RUNX1T1: variants seen among roughly 807,000 people sequenced by gnomAD.
RUNX1T1 encodes RUNX1 partner transcriptional co-repressor 1.
In RUNX1T1, 4 loss-of-function variants were observed where a neutral mutation model predicts 62.8. The observed-to-expected ratio is 0.06, with a 90% CI of 0.03 to 0.15. The LOEUF (loss-of-function observed/expected upper bound fraction) is 0.15. RUNX1T1 is among the 10% of genes least tolerant of loss of function. RUNX1T1 has a pLI of 1.00. For missense variants in RUNX1T1, 508 were observed against 754.3 expected, an observed-to-expected ratio of 0.67 and a Z score of 3.82; for synonymous variants, 291 against 286.0, an observed-to-expected ratio of 1.02 and a Z score of -0.18.
At chr8:92,020,825 CTTTTTT>C (rs372324370) in intron 1 of RUNX1T1, among the ~76,000 whole-genome samples, 1 of 130,666 alleles carries the variant, frequency 7.7e-6, no homozygotes, top group Non-Finnish European at 1.7e-5. Flanking sequence ...TTCCCATTTC[CTTTTTT>C]TTTTTTTTTT....
chr8:92,088,683 G>C (rs1039378477), intron 1 of RUNX1T1, among the ~76,000 whole-genome samples: 1 of 152,120 alleles, frequency 6.6e-6, no homozygotes, highest in Non-Finnish European at 1.5e-5. Context: ...AGTCCTCCCA[G>C]ATACTCTTTA....
chr8:91,970,332 A>AGCATACACATATGCACATGCAC (rs1381249445), intron 10 of RUNX1T1, among the ~76,000 whole-genome samples: 1 of 152,178 alleles, frequency 6.6e-6, no homozygotes, highest in Non-Finnish European at 1.5e-5. Context: ...TTGGAAAGCA[A>AGCATACACATATGCACATGCAC]GCATACACAT....
At chr8:91,975,957 G>A (rs1813832724) in exon 9 of RUNX1T1, 1 of 1,612,930 alleles carries the variant, frequency 6.2e-7, no homozygotes, top group Non-Finnish European at 8.5e-7. Context: ...GCCTGTGAAG[G>A]AATTCCCGAT....
chr8:92,053,406 T>C (rs947952253), intron 1 of RUNX1T1, among the ~76,000 whole-genome samples: 5 of 152,118 alleles, frequency 3.3e-5, no homozygotes, highest in Non-Finnish European at 7.4e-5. Flanking sequence ...CCAAACTACA[T>C]GAAAATGCCC....
At chr8:92,032,464 C>T (rs185608422) in intron 1 of RUNX1T1, among the ~76,000 whole-genome samples, 17 of 152,118 alleles carry the variant, frequency 1.1e-4, no homozygotes, top group Admixed American at 2.0e-4. Flanking sequence ...AGACAATAAC[C>T]ATGATGAGCC....
intron 9 of RUNX1T1, among the ~76,000 whole-genome samples, chr8:91,973,586 T>G (rs1046345080): frequency 2.0e-5 from 3 of 152,196 alleles, no homozygotes; most frequent in Middle Eastern, 3.4e-3. Context: ...AATAATTTCA[T>G]TGCAAAGACA....
Position 91,991,802 on chromosome 8 carries a change from G to A in RUNX1T1, c.747C>T (p.Tyr249=), listed in dbSNP as rs143607818. ...GGTAGGATAAGCCGTTATTTGGACT[G>A]TACCGCTGGCCTGGGCTAATAGTGC... is the stretch of plus-strand genomic sequence containing the variant. Residue 249 remains tyrosine, a synonymous_variant, in exon 6 of 11, where the codon TAC becomes TAT. Transcript: ENST00000396218. The A allele has an allele frequency of 2.3e-3, 3,714 of 1,614,112 alleles. 11 individuals are homozygous for A. The highest frequency in any genetic ancestry group is 4.9e-3 in the Middle Eastern group (30 of 6,062).
intron 8 of RUNX1T1, among the ~76,000 whole-genome samples, chr8:91,980,235 G>C (rs1297140361): frequency 6.6e-6 from 1 of 152,174 alleles, no homozygotes; most frequent in East Asian, 1.9e-4. Flanking sequence ...ATATAGTTAA[G>C]TACAGTAGGC....
At chr8:92,000,286 G>C (rs982268032) in intron 5 of RUNX1T1, among the ~76,000 whole-genome samples, 1 of 151,882 alleles carries the variant, frequency 6.6e-6, no homozygotes, top group African/African-American at 2.4e-5. Context: ...GGCAACAAGG[G>C]TGAAACTTCA....
chr8:92,096,275 G>A (rs1837738009), intron 1 of RUNX1T1, among the ~76,000 whole-genome samples: 1 of 152,172 alleles, frequency 6.6e-6, no homozygotes, highest in Non-Finnish European at 1.5e-5. Flanking sequence ...CCTTATGTGT[G>A]CATCTGAGAG....
intron 1 of RUNX1T1, among the ~76,000 whole-genome samples, chr8:92,060,650 T>A (rs1219565669): frequency 6.7e-6 from 1 of 150,250 alleles, no homozygotes; most frequent in East Asian, 1.9e-4. Context: ...AACCTTTTAA[T>A]CTTCTACACA....
At chr8:92,063,265 G>A (rs1832360960), upstream of RUNX1T1, among the ~76,000 whole-genome samples, 1 of 152,126 alleles carries the variant, frequency 6.6e-6, no homozygotes, top group African/African-American at 2.4e-5. Context: ...GTGTAAAATA[G>A]AACACTTTTT....
At chr8:92,044,439 TGAA>T (rs1445983495) in intron 1 of RUNX1T1, among the ~76,000 whole-genome samples, 1 of 151,968 alleles carries the variant, frequency 6.6e-6, no homozygotes, top group African/African-American at 2.4e-5. Flanking sequence ...AAAAAATGAG[TGAA>T]GAAGACCAAG....
chr8:91,964,329 C>T (rs1049350905), intron 10 of RUNX1T1, among the ~76,000 whole-genome samples: 1 of 152,080 alleles, frequency 6.6e-6, no homozygotes, highest in Non-Finnish European at 1.5e-5. Flanking sequence ...TATTTTGTCT[C>T]TGAACTGCTT....
intron 5 of RUNX1T1, 26 bp from the exon 7 acceptor site, chr8:91,991,915 G>T (rs1248957825): frequency 6.2e-7 from 1 of 1,612,434 alleles, no homozygotes; most frequent in Admixed American, 1.7e-5. Context: ...ACAAGAGTTT[G>T]TTTCATCATC....
intron 1 of RUNX1T1, among the ~76,000 whole-genome samples, chr8:92,054,194 T>C (rs1178988271): frequency 6.6e-6 from 1 of 151,884 alleles, no homozygotes; most frequent in South Asian, 2.1e-4. Flanking sequence ...GTGATCACCA[T>C]TCTAAGTTTG....
chr8:92,006,634 T>C (rs1820830486), intron 4 of RUNX1T1: 1 of 152,008 alleles, frequency 6.6e-6, no homozygotes, highest in African/African-American at 2.4e-5. Flanking sequence ...TTCTGGCCTA[T>C]ATCATTTTCC....
chr8:92,024,819 C>T (rs1824835427), intron 1 of RUNX1T1, among the ~76,000 whole-genome samples: 1 of 152,140 alleles, frequency 6.6e-6, no homozygotes, highest in African/African-American at 2.4e-5. Context: ...AGACCCTTTT[C>T]AAATTTTCAC....
chr8:91,984,145 C>T (rs775035895), intron 8 of RUNX1T1, among the ~76,000 whole-genome samples: 1 of 152,140 alleles, frequency 6.6e-6, no homozygotes, highest in Non-Finnish European at 1.5e-5. Flanking sequence ...TTGAACATCA[C>T]TAAAAAATAG....
Sources: allele counts gnomAD v4.1 joint callset (sites outside exome capture counted in the v4.1 genomes callset), GRCh38; gene constraint gnomAD v4.1.1; transcripts MANE v1.5; gene names NCBI Gene and HGNC (gene_info 2026-07-23, HGNC 2026-07-21).